Variants in SLC15A3 observed in about 807,000 individuals in gnomAD.
SLC15A3 encodes solute carrier family 15 member 3, also known as osteoclast transporter.
A neutral mutation model predicts 49.2 loss-of-function variants in SLC15A3; 39 were observed. The observed-to-expected ratio is 0.79, with a 90% CI of 0.61 to 1.04. SLC15A3 has a LOEUF of 1.04. SLC15A3 is among the 50% of genes least tolerant of loss of function. The pLI, the probability that SLC15A3 is intolerant of heterozygous loss-of-function variation, is 0.00. For synonymous variants in SLC15A3, 339 were observed against 367.0 expected, an observed-to-expected ratio of 0.92 and a Z score of 0.87; for missense variants, 758 against 794.8, an observed-to-expected ratio of 0.95 and a Z score of 0.56.
intron 1 of SLC15A3, among the ~76,000 whole-genome samples, chr11:60,948,586 A>C (rs1856839572): frequency 1.6e-5 from 2 of 125,140 alleles, no homozygotes; most frequent in African/African-American, 3.1e-5. Flanking sequence ...TGAAGTACCC[A>C]CTCTTGTTAA....
At chr11:60,949,568 G>GA (rs1364858992) in intron 1 of SLC15A3, among the ~76,000 whole-genome samples, 2 of 139,906 alleles carry the variant, frequency 1.4e-5, no homozygotes, top group South Asian at 2.3e-4. Flanking sequence ...AAGAAAGAAA[G>GA]AAAAGAGATG....
chr11:60,949,085 C>T (rs1856847216), intron 1 of SLC15A3, among the ~76,000 whole-genome samples: 1 of 152,040 alleles, frequency 6.6e-6, no homozygotes, highest in Non-Finnish European at 1.5e-5. Flanking sequence ...CCTGTAATCC[C>T]AGCACTTTGG....
chr11:60,941,109 C>A lies in SLC15A3; in HGVS notation c.1276+13G>T, dbSNP rs1298055688. 6.2e-7 allele frequency: 1 copy of A among 1,606,850 alleles called. No homozygotes were observed. The highest frequency in any genetic ancestry group is 1.7e-5 in the Admixed American group (1 of 59,606). The stretch of plus-strand genomic sequence containing the variant: ...CCAAAGTTCAGCCCCCTGCCCCACA[C>A]CCCTCTGCACACCTGCCACAATGAC... On this transcript the variant is annotated intron_variant, in intron 5 of 7. Transcript: ENST00000227880.
chr11:60,939,884 T>G (rs1170840830), intron 5 of SLC15A3: 2 of 502,960 alleles, frequency 4.0e-6, no homozygotes, highest in Non-Finnish European at 7.1e-6. Context: ...ACAACTCTCA[T>G]TAATGGAGAA....
intron 1 of SLC15A3, among the ~76,000 whole-genome samples, chr11:60,948,988 T>A (rs76228369): frequency 6.6e-6 from 1 of 152,304 alleles, no homozygotes; most frequent in African/African-American, 2.4e-5. Flanking sequence ...GAGATTCCCA[T>A]TGACAAATAT....
In SLC15A3 at chr11:60,937,317, C is replaced by T; in HGVS notation, c.1648G>A (p.Ala550Thr). The change falls in exon 8 of 8, where the codon GCC becomes ACC. Residue 550 changes from alanine (A) to threonine (T), a missense_variant. By Grantham distance (58) the Ala-to-Thr change is moderately conservative (BLOSUM62 0). Transcript: ENST00000227880. ...CAGACAAATAGGAGAGCCGTGACGG[C>T]CTGAATGCCAGCCAGCAGGAAGAAG... Reference protein sequence around the residue: ...LYFFLLAGIQAVTALLFVWIA... With the variant: ...LYFFLLAGIQTVTALLFVWIA... The T allele has an allele frequency of 6.2e-7, 1 of 1,614,146 alleles. No individual in the cohort carries two copies. The highest frequency in any genetic ancestry group is 8.5e-7 in the Non-Finnish European group (1 of 1,180,028).
intron 1 of SLC15A3, among the ~76,000 whole-genome samples, chr11:60,949,165 T>C (rs1443942978): frequency 5.3e-5 from 8 of 151,650 alleles, no homozygotes. Context: ...CGAAACCACA[T>C]CTCTCCTAAA....
intron 5 of SLC15A3, chr11:60,939,870 A>T: frequency 3.7e-6 from 2 of 544,446 alleles, no homozygotes; most frequent in Admixed American, 3.4e-5. Flanking sequence ...ACTCAATAAC[A>T]CTAACAACTC....
chr11:60,937,478 G>A (rs1010169950), intron 7 of SLC15A3, 105 bp from the exon 8 acceptor site: 5 of 1,446,596 alleles, frequency 3.5e-6, no homozygotes, highest in Non-Finnish European at 4.8e-6. Flanking sequence ...GGCCATGTGG[G>A]CAGTGGTGGG....
intron 5 of SLC15A3, chr11:60,940,378 A>C (rs1856692000): frequency 6.6e-6 from 1 of 152,364 alleles, no homozygotes; most frequent in African/African-American, 2.4e-5. Context: ...GCTGGAATAA[A>C]ATCTAGTTGG....
intron 2 of SLC15A3, among the ~76,000 whole-genome samples, chr11:60,946,276 A>G (rs1476468912): frequency 6.6e-6 from 1 of 152,126 alleles, no homozygotes; most frequent in Non-Finnish European, 1.5e-5. Context: ...TTAGAGGGAT[A>G]GCCACCGCCC....
At chr11:60,948,788 C>T (rs1447512278) in intron 1 of SLC15A3, among the ~76,000 whole-genome samples, 1 of 152,156 alleles carries the variant, frequency 6.6e-6, no homozygotes, top group Non-Finnish European at 1.5e-5. Flanking sequence ...CGTACAGGAG[C>T]TTCTGGCCCT....
intron 7 of SLC15A3, 38 bp from the exon 8 acceptor site, chr11:60,937,411 G>T: frequency 1.2e-6 from 2 of 1,612,832 alleles, no homozygotes; most frequent in East Asian, 2.2e-5. Context: ...TCAGGACAGG[G>T]ATCCTCTGTC....
intron 2 of SLC15A3, among the ~76,000 whole-genome samples, chr11:60,945,628 C>T (rs1856790136): frequency 6.6e-6 from 1 of 152,148 alleles, no homozygotes; most frequent in Non-Finnish European, 1.5e-5. Flanking sequence ...GCTGCAAGGT[C>T]TGGAGACAGA....
At chr11:60,938,365 C>T (rs630671) in intron 6 of SLC15A3, among the ~76,000 whole-genome samples, 65,885 of 151,956 alleles carry the variant, frequency 0.43, 14,476 homozygotes, top group Middle Eastern at 0.48. Context: ...CCACCTTCAA[C>T]GTCATCGTCA....
intron 1 of SLC15A3, among the ~76,000 whole-genome samples, chr11:60,948,692 C>T (rs1856841197): frequency 6.6e-6 from 1 of 152,264 alleles, no homozygotes; most frequent in Non-Finnish European, 1.5e-5. Flanking sequence ...TGTTTCTGCA[C>T]TGTCCTAGGG....
intron 7 of SLC15A3, 81 bp from the exon 8 acceptor site, chr11:60,937,454 G>A: frequency 6.3e-7 from 1 of 1,581,268 alleles, no homozygotes; most frequent in Non-Finnish European, 8.6e-7. Context: ...CCTAGCCCTG[G>A]GGCTGGCAAC....
At chr11:60,939,351 G>C (rs1344776549) in intron 6 of SLC15A3, 129 bp downstream of exon 6, 3 of 1,131,852 alleles carry the variant, frequency 2.7e-6, no homozygotes, top group Non-Finnish European at 3.8e-6. Context: ...AATGAGCCCT[G>C]GTCAGAAAAC....
chr11:60,945,758 G>A (rs551845743), intron 2 of SLC15A3, among the ~76,000 whole-genome samples: 22 of 152,264 alleles, frequency 1.4e-4, no homozygotes, highest in East Asian at 5.8e-4. Context: ...AGGAGGGAGC[G>A]AGTTTGGCCG....
Sources: allele counts gnomAD v4.1 joint callset (sites outside exome capture counted in the v4.1 genomes callset), GRCh38; gene constraint gnomAD v4.1.1; transcripts MANE v1.5; gene names NCBI Gene and HGNC (gene_info 2026-07-23, HGNC 2026-07-21).